SBF2: variants seen among roughly 807,000 people sequenced by gnomAD.
SBF2 encodes myotubularin-related protein 13.
In SBF2, 112 loss-of-function variants were observed where a neutral mutation model predicts 225.2. The observed-to-expected ratio is 0.50, with a 90% CI of 0.43 to 0.58. The LOEUF (loss-of-function observed/expected upper bound fraction) is 0.58, where lower values mean the gene tolerates loss of function less well. Ranked by LOEUF, SBF2 falls within the 20% of genes least tolerant of loss-of-function variation. SBF2 has a pLI of 0.00. For synonymous variants in SBF2, 763 were observed against 773.3 expected (o/e 0.99, Z 0.22); for missense variants, 1,996 against 2,206.2 (o/e 0.90, Z 1.91).
At chr11:10,149,508 T>G (rs1955065757) in intron 2 of SBF2, 1 of 152,212 alleles carries the variant, frequency 6.6e-6, no homozygotes, top group African/African-American at 2.4e-5. Flanking sequence ...AACAACTTCT[T>G]TTCTTAAACC....
chr11:9,967,825 G>T (rs565747683), intron 14 of SBF2, among the ~76,000 whole-genome samples: 1 of 152,058 alleles, frequency 6.6e-6, no homozygotes, highest in African/African-American at 2.4e-5. Context: ...TGAGGCAAGA[G>T]AATTGCTTGA....
intron 17 of SBF2, among the ~76,000 whole-genome samples, chr11:9,860,611 G>T (rs958026122): frequency 3.9e-5 from 6 of 152,098 alleles, no homozygotes; most frequent in African/African-American, 1.4e-4. Flanking sequence ...GATTATAGAT[G>T]TGAGCCCCCA....
At position 10,284,623 on chromosome 11, in the gene SBF2, ATTACCCAGGCTGGAGTTTGTTCCG is replaced by A. The variant is rs370199442; in HGVS notation, c.55+9368_55+9391del. 1.7e-3 allele frequency among the ~76,000 whole-genome samples: 259 copies of A among 152,164 alleles called. 1 individual carries two copies. The highest frequency in any genetic ancestry group is 5.7e-3 in the African/African-American group (236 of 41,502). Reference sequence around the variant, plus strand: ...TGTTTTTGAGACGGGATCTTGTTCCATTACCCAGGCTGGAGTTTGTTCCGTTACCCAGGCTGGAGTACAATGGCA... The same window carrying A: ...TGTTTTTGAGACGGGATCTTGTTCCATTACCCAGGCTGGAGTACAATGGCA... On this transcript the variant is annotated intron_variant, in intron 1 of 39. Coordinates refer to ENST00000256190, the MANE Select transcript of SBF2 (RefSeq NM_030962.4).
intron 1 of SBF2, among the ~76,000 whole-genome samples, chr11:10,292,638 C>T (rs1349247861): frequency 1.4e-5 from 2 of 145,322 alleles, no homozygotes; most frequent in Non-Finnish European, 3.0e-5. Flanking sequence ...AAGATCGCAC[C>T]ACTGCACTCC....
chr11:9,862,724 AATTT>A (rs1231661725), intron 17 of SBF2, among the ~76,000 whole-genome samples: 1 of 152,074 alleles, frequency 6.6e-6, no homozygotes, highest in Non-Finnish European at 1.5e-5. Flanking sequence ...TGATTGTGAT[AATTT>A]ATTTAAAAAA....
intron 2 of SBF2, among the ~76,000 whole-genome samples, chr11:10,052,363 C>T (rs1202699711): frequency 6.6e-6 from 1 of 152,136 alleles, no homozygotes; most frequent in East Asian, 1.9e-4. Flanking sequence ...TGACAACTCC[C>T]TTCTACCTTG....
chr11:10,130,226 G>A (rs971477897), intron 2 of SBF2, among the ~76,000 whole-genome samples: 2 of 151,904 alleles, frequency 1.3e-5, no homozygotes, highest in African/African-American at 4.8e-5. Context: ...GCCGGGTGTG[G>A]TGGCGGGCAC....
intron 6 of SBF2, among the ~76,000 whole-genome samples, chr11:10,011,022 T>C (rs1565129518): frequency 6.6e-6 from 1 of 152,222 alleles, no homozygotes; most frequent in Admixed American, 6.5e-5. Flanking sequence ...AGTTCACTCA[T>C]GATTTGGCTG....
chr11:9,892,012 T>C (rs1356651193), intron 17 of SBF2, among the ~76,000 whole-genome samples: 1 of 152,224 alleles, frequency 6.6e-6, no homozygotes, highest in East Asian at 1.9e-4. Context: ...TAGGTATATG[T>C]GCTATTATGA....
At chr11:9,962,434 G>C (rs780934098) in intron 15 of SBF2, among the ~76,000 whole-genome samples, 1 of 152,040 alleles carries the variant, frequency 6.6e-6, no homozygotes, top group African/African-American at 2.4e-5. Flanking sequence ...CCATAGATAC[G>C]TAAGACACCT....
At chr11:9,957,261 C>A (rs1040221711) in intron 16 of SBF2, 2 of 152,116 alleles carry the variant, frequency 1.3e-5, no homozygotes, top group African/African-American at 4.8e-5. Context: ...GGGCAGGGCA[C>A]AGAAACCCTA....
chr11:9,942,884 G>A (rs1199826810), intron 16 of SBF2, among the ~76,000 whole-genome samples: 1 of 60,610 alleles, frequency 1.6e-5, no homozygotes, highest in African/African-American at 5.3e-5. Flanking sequence ...AGAAAGAAAA[G>A]AAAAGAAAGA....
chr11:9,918,172 A>T (rs1285461465), intron 16 of SBF2, among the ~76,000 whole-genome samples: 1 of 117,046 alleles, frequency 8.5e-6, no homozygotes, highest in Non-Finnish European at 1.8e-5. Context: ...CACATTTGTC[A>T]TCGGCTCCCT....
chr11:10,048,205 C>A (rs776683785), intron 2 of SBF2, among the ~76,000 whole-genome samples: 7 of 152,134 alleles, frequency 4.6e-5, no homozygotes, highest in Admixed American at 6.6e-5. Context: ...CCCTTGATAT[C>A]CACATATTTT....
In SBF2 at chr11:10,282,178, A is replaced by G. The variant is rs116489921; in HGVS notation, c.55+11837T>C. Among the ~76,000 whole-genome samples, 899 of 152,192 alleles carry G rather than the reference A, an allele frequency of 5.9e-3. 14 individuals carry two copies. Among genetic ancestry groups the G allele is most frequent in the African/African-American group, 0.02 (814 of 41,528 alleles). On this transcript the variant is annotated intron_variant, in intron 1 of 39. Coordinates refer to ENST00000256190, the MANE Select transcript of SBF2 (RefSeq NM_030962.4). ...GACATTTGTTATTTCCTCCTCCTTG[A>G]AATTCTATATACCCAGGGTTTTCCA...
intron 2 of SBF2, among the ~76,000 whole-genome samples, chr11:10,182,848 A>G (rs184167308): frequency 1.3e-5 from 2 of 151,578 alleles, no homozygotes; most frequent in East Asian, 1.9e-4. Flanking sequence ...GTCTCGTCTC[A>G]CTGCAACCTC....
At chr11:10,270,994 C>CA (rs1180184303) in intron 1 of SBF2, among the ~76,000 whole-genome samples, 4,408 of 27,548 alleles carry the variant, frequency 0.16, 819 homozygotes, top group Non-Finnish European at 0.22. Flanking sequence ...GACTCTGTCT[C>CA]AAAAAAAAAA....
rs528989037 is a variant in SBF2 at position 9,919,449 on chromosome 11, C to T, written c.1861-23438G>A. Among the ~76,000 whole-genome samples, 13 of 151,958 alleles carry T rather than the reference C, an allele frequency of 8.6e-5. 1 individual carries two copies. The highest frequency in any genetic ancestry group is 2.0e-4 in the Admixed American group (3 of 15,256). Reference sequence around the variant, plus strand: ...CTCCTGTCTCAAAAGCCGAGCTCCCCGAGTGAGCAATTTCTGTCCCTTTTA... The same window carrying T: ...CTCCTGTCTCAAAAGCCGAGCTCCCTGAGTGAGCAATTTCTGTCCCTTTTA... On this transcript the variant is annotated intron_variant, in intron 16 of 39. Coordinates refer to ENST00000256190, the MANE Select transcript of SBF2 (RefSeq NM_030962.4).
chr11:9,855,099 G>A (rs538594900), intron 19 of SBF2, among the ~76,000 whole-genome samples: 2 of 152,278 alleles, frequency 1.3e-5, no homozygotes, highest in South Asian at 4.2e-4. Flanking sequence ...CCTTTTGGCA[G>A]TAGAAAGAAG....
Sources: gnomAD v4.1 joint callset for allele counts (sites outside exome capture counted in the v4.1 genomes callset) on GRCh38, gnomAD v4.1.1 for gene constraint, MANE v1.5 for transcripts, NCBI Gene and HGNC (gene_info 2026-07-23, HGNC 2026-07-21) for gene names.